NRXN2: variants seen among roughly 807,000 people sequenced by gnomAD.
NRXN2 encodes neurexin-2-beta.
NRXN2 carries 29 observed loss-of-function variants against 128.8 expected under a neutral mutation model. The ratio of observed to expected loss-of-function variants is 0.23; its 90% CI spans 0.17 to 0.31. The LOEUF is 0.31. Ranked by LOEUF, NRXN2 falls within the 10% of genes least tolerant of loss-of-function variation. The pLI, the probability that NRXN2 is intolerant of heterozygous loss-of-function variation, is 1.00. For synonymous variants in NRXN2, 1,098 were observed against 1,075.2 expected (o/e 1.02, Z -0.41); for missense variants, 1,881 against 2,452.6 (o/e 0.77, Z 4.92).
At chr11:64,608,931 T>C (rs1237035083) in intron 22 of NRXN2, among the ~76,000 whole-genome samples, 1 of 151,738 alleles carries the variant, frequency 6.6e-6, no homozygotes, top group Non-Finnish European at 1.5e-5. Context: ...GATTGCTACA[T>C]GGGTGAGAGG....
intron 15 of NRXN2, 39 bp downstream of exon 15, chr11:64,650,409 G>C (rs1254669492): frequency 1.2e-6 from 2 of 1,609,736 alleles, no homozygotes; most frequent in Non-Finnish European, 8.5e-7. Flanking sequence ...AGGGGTATCT[G>C]GGCTAGGGCC....
intron 3 of NRXN2, among the ~76,000 whole-genome samples, chr11:64,695,760 A>G (rs1225251636): frequency 6.6e-6 from 1 of 151,958 alleles, no homozygotes; most frequent in Non-Finnish European, 1.5e-5. Flanking sequence ...TCCAATACAC[A>G]GCCCTGCACA....
rs1193166974 is a variant in NRXN2, at chr11:64,630,982, C to T, written c.3586-409G>A. Among the ~76,000 whole-genome samples, 8 of 152,222 alleles carry T rather than the reference C, an allele frequency of 5.3e-5. No homozygotes were observed. Among genetic ancestry groups the T allele is most frequent in the Admixed American group, 1.3e-4 (2 of 15,286 alleles). ...GATCAGCAGAGAAGTCCACAGAAGC[C>T]GGCCTCTGCCAGAGGAAGGTCTGAC... On this transcript the variant is annotated intron_variant, in intron 18 of 22. Coordinates refer to ENST00000265459, the MANE Select transcript of NRXN2 (RefSeq NM_015080.4). The surrounding 1 kb of genome is among the most constrained non-coding windows in gnomAD (Gnocchi z 4.6).
rs552728515 is a variant in NRXN2 at position 64,622,880 on chromosome 11, C to A, written c.4046G>T (p.Ser1349Ile). The change falls in exon 21 of 23, where the codon AGT becomes ATT. Residue 1349 changes from serine to isoleucine, a missense_variant. Physicochemically the swap from Ser to Ile is moderately radical, Grantham distance 142. Coordinates refer to ENST00000265459, the MANE Select transcript of NRXN2 (RefSeq NM_015080.4). This position sits in a 1 kb window ranked among gnomAD's most constrained non-coding sequence, Gnocchi z 4.3. Reference protein sequence around the residue: ...LVGEGPSVLLSAETTATTLLA... With the variant: ...LVGEGPSVLLIAETTATTLLA... The stretch of plus-strand genomic sequence containing the variant: ...CAGGGTGGTGGCCGTGGTCTCCGCA[C>A]TGAGCAGCACGGACGGCCCCTCCCC... 2.5e-6 allele frequency: 4 copies of A among 1,613,036 alleles called. No individual in the cohort carries two copies. The East Asian group carries it at 6.7e-5, about 27-fold the overall frequency.
Position 64,607,849 on chromosome 11 carries a change from C to T in NRXN2, c.4486G>A (p.Ala1496Thr), listed in dbSNP as rs1184914482. ...CTGGAGTCAAAGACCTCCCCGGAGG[C>T]GAAGCCCGAGGCCTCGATGGGCTCC... Reference protein sequence around the residue: ...CEEPIEASGFASGEVFDSSLP... With the variant: ...CEEPIEASGFTSGEVFDSSLP... Residue 1496 changes from alanine (A) to threonine (T), a missense_variant, in exon 23 of 23, where the codon GCC becomes ACC. This residue lies in a region of NRXN2 where 310 missense variants were observed against 318.2 expected (regional missense o/e 0.97). Coordinates refer to ENST00000265459, the MANE Select transcript of NRXN2 (RefSeq NM_015080.4). The T allele has an allele frequency of 3.1e-6, 5 of 1,598,116 alleles. No homozygotes were observed. Among genetic ancestry groups the T allele is most frequent in the Non-Finnish European group, 4.3e-6 (5 of 1,173,066 alleles).
chr11:64,690,442 C>A lies in NRXN2; in HGVS notation c.813G>T (p.Gly271=). ...GGTGCACATCGCCGGCTCCTCCTCTCCCGGCCCCCCCCTCGGAGAACAGTA... is the reference window on the plus strand; with the variant it reads ...GGTGCACATCGCCGGCTCCTCCTCTACCGGCCCCCCCCTCGGAGAACAGTA... ...GSLLFSEGGA[G]RGGAGDVHQP... is the part of the protein sequence containing the mutation. Residue 271 remains glycine (G), a synonymous_variant, in exon 5 of 23, where the codon GGG becomes GGT. Transcript: ENST00000265459. The A allele has an allele frequency of 6.2e-7, 1 of 1,613,578 alleles. No homozygotes were observed. Among genetic ancestry groups the A allele is most frequent in the Non-Finnish European group, 8.5e-7 (1 of 1,179,906 alleles).
rs201218382 is a variant in NRXN2 at position 64,690,453 on chromosome 11, C to A, written c.802G>T (p.Gly268Trp). The change falls in exon 5 of 23, where the codon GGG (glycine) becomes TGG (tryptophan). Residue 268 changes from glycine to tryptophan, a missense_variant. This residue lies in a region of NRXN2 where 997 missense variants were observed against 1,240.8 expected (regional missense o/e 0.80). Transcript: ENST00000265459. ...CCGGCTCCTCCTCTCCCGGCCCCCC[C>A]CTCGGAGAACAGTAAGGACCCTACT... ...SEVGSLLFSE[G>W]GAGRGGAGDV... is the part of the protein sequence containing the mutation. 1.2e-5 allele frequency: 19 copies of A among 1,613,570 alleles called. No individual in the cohort carries two copies. The highest frequency in any genetic ancestry group is 3.3e-5 in the Admixed American group (2 of 59,972).
intron 2 of NRXN2, among the ~76,000 whole-genome samples, chr11:64,707,015 G>A (rs545337376): frequency 6.1e-5 from 9 of 148,574 alleles, no homozygotes; most frequent in African/African-American, 7.5e-5. Flanking sequence ...GCAGTGGCGC[G>A]ATCTCAGCTC....
intron 4 of NRXN2, 113 bp from the exon 5 acceptor site, chr11:64,690,589 G>A (rs1398478194): frequency 3.2e-6 from 3 of 933,482 alleles, no homozygotes; most frequent in Non-Finnish European, 5.1e-6. Context: ...GCACGGACAG[G>A]GGAGGAGAGG....
rs1013291192 is a variant in NRXN2, at chr11:64,631,192, G to A, written c.3586-619C>T. Among the ~76,000 whole-genome samples, 1 of 152,166 alleles carries A rather than the reference G, an allele frequency of 6.6e-6. No homozygotes were observed. Among genetic ancestry groups the A allele is most frequent in the African/African-American group, 2.4e-5 (1 of 41,430 alleles). ...GACCCTCTGCAGCCATGGGGGTGGA[G>A]GTGGGGGGTGTGGACTGTGTGTATG... On this transcript the variant is annotated intron_variant, in intron 18 of 22. Transcript: ENST00000265459. The surrounding 1 kb of genome is among the most constrained non-coding windows in gnomAD (Gnocchi z 4.8).
chr11:64,718,752 C>G (rs1204820493), intron 1 of NRXN2, among the ~76,000 whole-genome samples: 5 of 152,102 alleles, frequency 3.3e-5, no homozygotes, highest in Admixed American at 3.3e-4. Context: ...GGTCCCCTTT[C>G]CCCCGTGAAA....
At chr11:64,655,791 C>T (rs2048190260) in intron 11 of NRXN2, among the ~76,000 whole-genome samples, 1 of 152,170 alleles carries the variant, frequency 6.6e-6, no homozygotes, top group Non-Finnish European at 1.5e-5. Flanking sequence ...GGGAAGCCAG[C>T]CCCATCCAGA....
At chr11:64,708,671 C>T (rs116598197) in intron 2 of NRXN2, among the ~76,000 whole-genome samples, 1 of 152,340 alleles carries the variant, frequency 6.6e-6, no homozygotes, top group African/African-American at 2.4e-5. Flanking sequence ...AAAGGATACA[C>T]AAATTCGTAT....
chr11:64,608,494 C>CTTTTTTTTTTTTT (rs58638827), intron 22 of NRXN2, among the ~76,000 whole-genome samples: 2 of 111,154 alleles, frequency 1.8e-5, no homozygotes, highest in African/African-American at 3.0e-5. Context: ...TCTTTTTTTG[C>CTTTTTTTTTTTTT]TTTTTTTTTT....
intron 17 of NRXN2, chr11:64,642,794 C>T (rs1380357048): frequency 8.8e-7 from 1 of 1,139,054 alleles, no homozygotes; most frequent in Non-Finnish European, 1.1e-6. Context: ...CCGCTCCCCC[C>T]GGGGGGCATT....
Position 64,635,687 on chromosome 11 carries a change from G to C in NRXN2, c.3404-235C>G, listed in dbSNP as rs1396089774. On this transcript the variant is annotated intron_variant, in intron 17 of 22. Coordinates refer to ENST00000265459, the MANE Select transcript of NRXN2 (RefSeq NM_015080.4). This position sits in a 1 kb window ranked among gnomAD's most constrained non-coding sequence, Gnocchi z 4.8. ...TGTAGCTGCCTCATCAAGAATGCTA[G>C]CTTTAATTACAGCAAAATAGAGAGG... Among the ~76,000 whole-genome samples, 3 of 152,178 alleles carry C rather than the reference G, an allele frequency of 2.0e-5. No individual in the cohort carries two copies. Among genetic ancestry groups the C allele is most frequent in the Admixed American group, 6.5e-5 (1 of 15,290 alleles).
At chr11:64,712,604 C>T in intron 2 of NRXN2, 1 of 437,394 alleles carries the variant, frequency 2.3e-6, no homozygotes, top group Non-Finnish European at 4.8e-6. Flanking sequence ...CCTGTCCACG[C>T]AGACCCCCAC....
At position 64,635,535 on chromosome 11, in the gene NRXN2, G is replaced by T; in HGVS notation, c.3404-83C>A. ...AGGTCCTCAGGGTTGTGACCAGAGG[G>T]ATGGAACCCCAGGTCTAGATGTGGG... On this transcript the variant is annotated intron_variant, in intron 17 of 22. Coordinates refer to ENST00000265459, the MANE Select transcript of NRXN2 (RefSeq NM_015080.4). This position sits in a 1 kb window ranked among gnomAD's most constrained non-coding sequence, Gnocchi z 4.8. 2 of 1,439,918 alleles carry T rather than the reference G, an allele frequency of 1.4e-6. No homozygotes were observed. The highest frequency in any genetic ancestry group is 1.9e-6 in the Non-Finnish European group (2 of 1,041,774). The allele number at this position is 1,439,918 out of a possible 1,614,324, so 89.2% of individuals were successfully genotyped here. A position where few individuals can be genotyped will look rare whatever the true frequency, so the allele number is the denominator to read the frequency against.
intron 15 of NRXN2, among the ~76,000 whole-genome samples, chr11:64,650,116 C>G (rs1723182846): frequency 6.6e-6 from 1 of 152,082 alleles, no homozygotes; most frequent in Non-Finnish European, 1.5e-5. Context: ...CTCACTCCAG[C>G]CCTCAACCAA....
Sources: allele counts gnomAD v4.1 joint callset (sites outside exome capture counted in the v4.1 genomes callset), GRCh38; gene constraint gnomAD v4.1.1; regional missense constraint gnomAD v4.1.1; non-coding constraint Gnocchi (gnomAD v3.1); transcripts MANE v1.5; gene names NCBI Gene and HGNC (gene_info 2026-07-23, HGNC 2026-07-21).